HIPK1: variants seen among roughly 807,000 people sequenced by gnomAD.
The protein encoded by HIPK1 is homeodomain interacting protein kinase 1.
In HIPK1, 28 loss-of-function variants were observed where a neutral mutation model predicts 117.1. That is an observed-to-expected ratio of 0.24 (90% CI 0.18 to 0.33). The LOEUF (loss-of-function observed/expected upper bound fraction) is 0.33, where lower values mean the gene tolerates loss of function less well. Ranked by LOEUF, HIPK1 falls within the 10% of genes least tolerant of loss-of-function variation. HIPK1 has a pLI of 1.00. For synonymous variants in HIPK1, 605 were observed against 562.5 expected (o/e 1.08, Z -1.07); for missense variants, 1,122 against 1,475.1 (o/e 0.76, Z 3.92).
rs1188002610 is a variant in HIPK1 at position 113,952,892 on chromosome 1, A to G, written c.1200+3A>G. The G allele has an allele frequency of 1.3e-6, 2 of 1,490,570 alleles. No homozygotes were observed. Among genetic ancestry groups the G allele is most frequent in the East Asian group, 2.5e-5 (1 of 40,584 alleles). The allele number at this position is 1,490,570 out of a possible 1,614,324, so 92.3% of individuals were successfully genotyped here. On this transcript the variant is annotated splice_donor_region_variant and intron_variant, in intron 3 of 15. Transcript: ENST00000426820. ...CTGGTGCTTCAGAATATGATCAGGT[A>G]AAAGTGTTTATTTGAATGGAAATAG...
chr1:113,940,464 G>A lies in HIPK1; in HGVS notation c.81G>A (p.Glu27=). ...GCAGTGCGAAGAAACTGAAAATAGAGCCCTCTGGCTGGGATGTTTCAGGAC... is the reference window on the plus strand; with the variant it reads ...GCAGTGCGAAGAAACTGAAAATAGAACCCTCTGGCTGGGATGTTTCAGGAC... The part of the protein sequence containing the change: ...AFCSAKKLKI[E]PSGWDVSGQS... The change falls in exon 2 of 16, where the codon GAG becomes GAA. Residue 27 remains glutamate (E), a synonymous_variant. Coordinates refer to ENST00000426820, the MANE Select transcript of HIPK1 (RefSeq NM_198268.3). 1 of 1,614,078 alleles carries A rather than the reference G, an allele frequency of 6.2e-7. No homozygotes were observed. The highest frequency in any genetic ancestry group is 8.5e-7 in the Non-Finnish European group (1 of 1,180,016).
chr1:113,956,512 G>A (rs932930601), intron 5 of HIPK1, 115 bp from the exon 6 acceptor site: 2 of 557,490 alleles, frequency 3.6e-6, no homozygotes, highest in African/African-American at 4.0e-5. Flanking sequence ...AATTTCCCCA[G>A]GTTTCTCTTT....
chr1:113,961,143 A>C (rs181954695), intron 8 of HIPK1, among the ~76,000 whole-genome samples: 87 of 152,364 alleles, frequency 5.7e-4, no homozygotes, highest in African/African-American at 1.9e-3. Context: ...CTTGACAAAA[A>C]GAATTGTCTT....
chr1:113,930,460 C>A (rs1313893856), intron 1 of HIPK1: 10 of 152,262 alleles, frequency 6.6e-5, no homozygotes, highest in African/African-American at 2.4e-4. Context: ...GCTTGTAATT[C>A]GTAATGACGG....
At chr1:113,932,453 G>A (rs779999400) in intron 1 of HIPK1, among the ~76,000 whole-genome samples, 8 of 150,888 alleles carry the variant, frequency 5.3e-5, no homozygotes, top group Non-Finnish European at 1.0e-4. Context: ...TCAGGCTGGA[G>A]TGCAGTGGTG....
intron 11 of HIPK1, among the ~76,000 whole-genome samples, chr1:113,967,027 G>C (rs920324896): frequency 6.6e-6 from 1 of 152,056 alleles, no homozygotes; most frequent in Admixed American, 6.6e-5. Context: ...TTAACATGAT[G>C]ATCTTGAGTT....
chr1:113,968,024 A>G (rs1201188889), intron 12 of HIPK1, 76 bp downstream of exon 12: 12 of 1,304,902 alleles, frequency 9.2e-6, no homozygotes, highest in Non-Finnish European at 1.2e-5. Flanking sequence ...GGAATATTGT[A>G]TAGACATATA....
rs187716951 is a variant in HIPK1 at position 113,932,399 on chromosome 1, A to G, written c.-3+2867A>G. Among the ~76,000 whole-genome samples, 3 of 141,050 alleles carry G rather than the reference A, an allele frequency of 2.1e-5. No individual in the cohort carries two copies. The Admixed American group carries it at 2.2e-4, about 10-fold the overall frequency. The allele number at this position is 141,050 out of a possible 152,430, so 92.5% of individuals were successfully genotyped here. On this transcript the variant is annotated intron_variant, in intron 1 of 15. Transcript: ENST00000426820. ...TTTTTTTTTTTTTTTTTTATTTGAGACAAGATCTCGCCCTGTCGCCCAGGT... is the reference window on the plus strand; with the variant it reads ...TTTTTTTTTTTTTTTTTTATTTGAGGCAAGATCTCGCCCTGTCGCCCAGGT...
intron 1 of HIPK1, among the ~76,000 whole-genome samples, chr1:113,937,501 C>T (rs1014280744): frequency 3.3e-5 from 5 of 151,640 alleles, no homozygotes; most frequent in South Asian, 2.1e-4. Flanking sequence ...TTTGAAAATA[C>T]TACAGTTGAA....
rs1296175795 is a variant in HIPK1 at position 113,940,711 on chromosome 1, A to G, written c.328A>G (p.Ser110Gly). ...AAGCAGCCAGACCCTGACTCACAGAAGCAACGTTTCTTTGCTTGAGCCATA... is the reference window on the plus strand; with the variant it reads ...AAGCAGCCAGACCCTGACTCACAGAGGCAACGTTTCTTTGCTTGAGCCATA... ...FQSSQTLTHR[S>G]NVSLLEPYQK... Residue 110 changes from serine (S) to glycine (G), a missense_variant, in exon 2 of 16, where the codon AGC becomes GGC. Physicochemically the swap from Ser to Gly is moderately conservative, Grantham distance 56 (BLOSUM62 0). Around this residue, in one of 6 missense-constraint regions of HIPK1, gnomAD observed 192 missense variants for 234.0 expected, o/e 0.82. Transcript: ENST00000426820. 1.2e-6 allele frequency: 2 copies of G among 1,614,190 alleles called. No homozygotes were observed. The highest frequency in any genetic ancestry group is 1.6e-4 in the Middle Eastern group (1 of 6,062).
intron 1 of HIPK1, among the ~76,000 whole-genome samples, chr1:113,935,275 C>T (rs899779701): frequency 1.3e-5 from 2 of 152,112 alleles, no homozygotes; most frequent in Non-Finnish European, 2.9e-5. Flanking sequence ...TGAGAACATG[C>T]AGTACTTGGT....
intron 4 of HIPK1, 65 bp from the exon 5 acceptor site, chr1:113,955,498 G>T: frequency 9.9e-7 from 1 of 1,008,018 alleles, no homozygotes; most frequent in South Asian, 1.5e-5. Context: ...TCTGGCTTTG[G>T]TTTTGAATAA....
At chr1:113,937,254 G>T (rs1476160631) in intron 1 of HIPK1, among the ~76,000 whole-genome samples, 2 of 152,166 alleles carry the variant, frequency 1.3e-5, no homozygotes. Flanking sequence ...CTTTCCAGCT[G>T]ACTAGTCCAG....
At chr1:113,957,073 G>C in intron 6 of HIPK1, 51 bp from the exon 7 acceptor site, 1 of 1,429,294 alleles carries the variant, frequency 7.0e-7, no homozygotes, top group Non-Finnish European at 9.8e-7. Context: ...GTTATTTGCT[G>C]TCTGTTTAAA....
At position 113,956,660 on chromosome 1, in the gene HIPK1, A is replaced by C. The variant is rs777302801; in HGVS notation, c.1441A>C (p.Met481Leu). The change falls in exon 6 of 16, where the codon ATG becomes CTG. Residue 481 changes from methionine to leucine, a missense_variant. Physicochemically the swap from Met to Leu is conservative, Grantham distance 15. Transcript: ENST00000426820. ...NMSTDLEGTD[M>L]LAEKADRREY... ...GTCTACAGACCTGGAGGGAACAGAC[A>C]TGTTGGCAGAGAAGGCAGACCGAAG... 6.2e-7 allele frequency: 1 copy of C among 1,613,964 alleles called. No individual in the cohort carries two copies. Among genetic ancestry groups the C allele is most frequent in the African/African-American group, 1.3e-5 (1 of 74,932 alleles).
Position 113,973,578 on chromosome 1 carries a change from C to T in HIPK1, c.*66C>T, listed in dbSNP as rs868692948. ...CTGGCCCTGCGTTCTTAATATTGGG[C>T]TATGGAGAGATCCTCCTTTACCCTC... is the stretch of plus-strand genomic sequence containing the variant. On this transcript the variant is annotated 3_prime_UTR_variant, in exon 16 of 16. Transcript: ENST00000426820. The T allele has an allele frequency of 6.6e-7, 1 of 1,504,182 alleles. No homozygotes were observed. Among genetic ancestry groups the T allele is most frequent in the Middle Eastern group, 1.8e-4 (1 of 5,410 alleles). The allele number at this position is 1,504,182 out of a possible 1,614,324, so 93.2% of individuals were successfully genotyped here.
intron 8 of HIPK1, among the ~76,000 whole-genome samples, chr1:113,961,594 C>T (rs1196969226): frequency 6.6e-6 from 1 of 152,092 alleles, no homozygotes; most frequent in Non-Finnish European, 1.5e-5. Context: ...TATACTTAAG[C>T]CTTTGCTTTT....
intron 15 of HIPK1, 121 bp downstream of exon 15, chr1:113,972,075 T>G: frequency 6.2e-7 from 1 of 1,611,658 alleles, no homozygotes; most frequent in Non-Finnish European, 8.5e-7. Flanking sequence ...GTCAAACAAT[T>G]TTGTGTTCTA....
Position 113,966,246 on chromosome 1 carries a change from G to A in HIPK1, c.2355G>A (p.Gly785=), listed in dbSNP as rs1672437926. The A allele has an allele frequency of 1.2e-6, 2 of 1,613,660 alleles. No individual in the cohort carries two copies. The highest frequency in any genetic ancestry group is 2.2e-5 in the South Asian group (2 of 90,988). Reference sequence around the variant, plus strand: ...CAGCAATGATTCCAGAGGCCATGGGGAGTGGACAGCAGCTAGCTGACTGGA... The same window carrying A: ...CAGCAATGATTCCAGAGGCCATGGGAAGTGGACAGCAGCTAGCTGACTGGA... ...QPTAMIPEAM[G]SGQQLADWRN... Residue 785 remains glycine, a synonymous_variant, in exon 11 of 16, where the codon GGG becomes GGA. Coordinates refer to ENST00000426820, the MANE Select transcript of HIPK1 (RefSeq NM_198268.3).
Sources: gnomAD v4.1 joint callset for allele counts (sites outside exome capture counted in the v4.1 genomes callset) on GRCh38, gnomAD v4.1.1 for gene constraint, gnomAD v4.1.1 regional missense constraint, MANE v1.5 for transcripts, NCBI Gene and HGNC (gene_info 2026-07-23, HGNC 2026-07-21) for gene names.